The following ZNF821 variants were observed in gnomAD, a reference collection of about 807,000 sequenced individuals.
ZNF821 encodes zinc finger protein 821.
In ZNF821, 16 loss-of-function variants were observed where a neutral mutation model predicts 44.3. That is an observed-to-expected ratio of 0.36 (90% CI 0.24 to 0.55). ZNF821 has a LOEUF of 0.55. Ranked by LOEUF, ZNF821 falls within the 20% of genes least tolerant of loss-of-function variation. The pLI is 0.86. For synonymous variants in ZNF821, 204 were observed against 197.6 expected (o/e 1.03, Z -0.27); for missense variants, 436 against 547.6 (o/e 0.80, Z 2.03).
At chr16:71,863,899 T>C (rs996333338) in intron 6 of ZNF821, among the ~76,000 whole-genome samples, 2 of 152,234 alleles carry the variant, frequency 1.3e-5, no homozygotes, top group Non-Finnish European at 1.5e-5. Context: ...GGTTTCGCCA[T>C]GTTGGCCAGG....
Position 71,859,971 on chromosome 16 carries a change from G to T in ZNF821, c.*47C>A. ...CTGGTCCTCGTGGCTGTGGGTGTGGGTGGGTGGGTAGGTAGGTGGGAAGGA... is the reference window on the plus strand; with the variant it reads ...CTGGTCCTCGTGGCTGTGGGTGTGGTTGGGTGGGTAGGTAGGTGGGAAGGA... On this transcript the variant is annotated 3_prime_UTR_variant, in exon 8 of 8. Transcript: ENST00000425432. The T allele has an allele frequency of 4.0e-6, 6 of 1,501,440 alleles. No homozygotes were observed. Among genetic ancestry groups the T allele is most frequent in the Non-Finnish European group, 4.4e-6 (5 of 1,128,996 alleles). 93.0% of individuals were successfully genotyped at this position (1,501,440 alleles called of 1,614,324 possible). A position where few individuals can be genotyped will look rare whatever the true frequency, so the allele number is the denominator to read the frequency against.
chr16:71,883,706 C>T (rs1199833966), intron 1 of ZNF821: 2 of 152,284 alleles, frequency 1.3e-5, no homozygotes, highest in Non-Finnish European at 2.9e-5. Context: ...CCCGAGAGCG[C>T]CAAGGGGCAG....
At chr16:71,872,990 C>T (rs2035385530) in intron 3 of ZNF821, among the ~76,000 whole-genome samples, 1 of 152,174 alleles carries the variant, frequency 6.6e-6, no homozygotes, top group Non-Finnish European at 1.5e-5. Flanking sequence ...GTGTACAACA[C>T]ACTGTATTTT....
intron 1 of ZNF821, among the ~76,000 whole-genome samples, chr16:71,893,631 T>C (rs1159588769): frequency 6.6e-6 from 1 of 150,786 alleles, no homozygotes; most frequent in African/African-American, 2.4e-5. Flanking sequence ...CGGCTAATTT[T>C]TGTATTTTTA....
chr16:71,880,154 T>TGAAA (rs926487458), intron 2 of ZNF821, 131 bp from the exon 3 acceptor site: 7 of 449,744 alleles, frequency 1.6e-5, no homozygotes, highest in Non-Finnish European at 2.3e-5. Context: ...ATTGAACTAA[T>TGAAA]GAAAGAAAGA....
In ZNF821 at chr16:71,868,045, T is replaced by G. The variant is rs2034746005; in HGVS notation, c.41-8A>C. 4.6e-6 allele frequency: 7 copies of G among 1,533,372 alleles called. No individual in the cohort carries two copies. 95.0% of individuals were successfully genotyped at this position (1,533,372 alleles called of 1,614,324 possible). A position where few individuals can be genotyped will look rare whatever the true frequency, so the allele number is the denominator to read the frequency against. On this transcript the variant is annotated splice_polypyrimidine_tract_variant and splice_region_variant and intron_variant, in intron 3 of 7. Transcript: ENST00000425432. ...CAGCAAATACTTGATCCCCTGGTGG[T>G]CACAAGGAAAAATAGTCAGGCCACC...
chr16:71,894,562 G>T, intron 1 of ZNF821: 1 of 297,624 alleles, frequency 3.4e-6, no homozygotes, highest in Non-Finnish European at 6.3e-6. Context: ...CTTTTTTTCT[G>T]TAGCCTAGGC....
At chr16:71,890,394 T>C (rs1317812701) in intron 1 of ZNF821, among the ~76,000 whole-genome samples, 1 of 151,862 alleles carries the variant, frequency 6.6e-6, no homozygotes, top group African/African-American at 2.4e-5. Context: ...AGCAAACTTT[T>C]TTTTTTTTTT....
At chr16:71,861,651 C>T in intron 7 of ZNF821, 125 bp downstream of exon 7, 1 of 1,132,070 alleles carries the variant, frequency 8.8e-7, no homozygotes, top group Non-Finnish European at 1.3e-6. Context: ...CTTACTTGTA[C>T]TTCCAAGGAG....
At chr16:71,875,854 C>A (rs552652520) in intron 3 of ZNF821, among the ~76,000 whole-genome samples, 1 of 152,336 alleles carries the variant, frequency 6.6e-6, no homozygotes, top group African/African-American at 2.4e-5. Context: ...CCACCTTGGC[C>A]TCCCAAAGTG....
At chr16:71,879,247 T>C (rs1360615574) in intron 3 of ZNF821, among the ~76,000 whole-genome samples, 1 of 152,168 alleles carries the variant, frequency 6.6e-6, no homozygotes, top group Admixed American at 6.6e-5. Flanking sequence ...TAAAGTCTCC[T>C]TGTCCTCTGA....
chr16:71,888,007 C>G (rs963760008), upstream of ZNF821, among the ~76,000 whole-genome samples: 1 of 151,964 alleles, frequency 6.6e-6, no homozygotes, highest in Non-Finnish European at 1.5e-5. Context: ...GGACTACTGG[C>G]ATGCCCTTAC....
chr16:71,859,896 C>T lies in ZNF821; in HGVS notation c.*122G>A. ...CTGCTCAGGTCCACCTGCAATAAAC[C>T]CAGGCCTGCCTCTGGCAGCAAGGAC... is the stretch of plus-strand genomic sequence containing the variant. On this transcript the variant is annotated 3_prime_UTR_variant, in exon 8 of 8. Coordinates refer to ENST00000425432, the MANE Select transcript of ZNF821 (RefSeq NM_001201552.2). The T allele has an allele frequency of 8.4e-7, 1 of 1,185,220 alleles. No homozygotes were observed. Among genetic ancestry groups the T allele is most frequent in the Non-Finnish European group, 1.1e-6 (1 of 869,598 alleles). 73.4% of individuals were successfully genotyped at this position (1,185,220 alleles called of 1,614,324 possible).
chr16:71,868,799 T>G (rs529190535), intron 3 of ZNF821, among the ~76,000 whole-genome samples: 8 of 152,112 alleles, frequency 5.3e-5, no homozygotes, highest in Non-Finnish European at 1.2e-4. Context: ...TGGAGTACAG[T>G]GCTGGCACCC....
At chr16:71,874,462 TTA>T (rs2035584745) in intron 3 of ZNF821, among the ~76,000 whole-genome samples, 1 of 152,180 alleles carries the variant, frequency 6.6e-6, no homozygotes, top group African/African-American at 2.4e-5. Flanking sequence ...TTTTGTGTAT[TTA>T]TTTTTTTGAG....
rs1427776371 is a variant in ZNF821, at chr16:71,864,162, C to G, written c.393G>C (p.Glu131Asp). Residue 131 changes from glutamate to aspartate, a missense_variant, in exon 6 of 8, where the codon GAG becomes GAC. Physicochemically the swap from Glu to Asp is conservative, Grantham distance 45. Coordinates refer to ENST00000425432, the MANE Select transcript of ZNF821 (RefSeq NM_001201552.2). ...CCTGGTACACGTGAGCAATCAACTG[C>G]TCCCGGCTCCCGCAGTCTAGCTGGC... The part of the protein sequence containing the change: ...PLCQLDCGSR[E>D]QLIAHVYQHT... 1.9e-6 allele frequency: 3 copies of G among 1,614,190 alleles called. No homozygotes were observed. The highest frequency in any genetic ancestry group is 2.5e-6 in the Non-Finnish European group (3 of 1,180,030).
At chr16:71,889,034 C>T (rs1222873804), upstream of ZNF821, among the ~76,000 whole-genome samples, 1 of 152,098 alleles carries the variant, frequency 6.6e-6, no homozygotes, top group African/African-American at 2.4e-5. Flanking sequence ...CACTTGAGGC[C>T]AGGAGTTTGA....
intron 2 of ZNF821, 157 bp downstream of exon 2, chr16:71,883,054 A>G (rs979112684): frequency 4.4e-6 from 2 of 453,228 alleles, no homozygotes; most frequent in Admixed American, 2.4e-5. Flanking sequence ...TCTTCAGAGC[A>G]AGGTTAAGAG....
chr16:71,872,641 T>C (rs578044306), intron 3 of ZNF821, among the ~76,000 whole-genome samples: 33 of 152,154 alleles, frequency 2.2e-4, no homozygotes, highest in African/African-American at 7.7e-4. Context: ...AGAGCAGATA[T>C]CCAGTTCAGG....
Sources: gnomAD v4.1 joint callset for allele counts (sites outside exome capture counted in the v4.1 genomes callset) on GRCh38, gnomAD v4.1.1 for gene constraint, MANE v1.5 for transcripts, NCBI Gene and HGNC (gene_info 2026-07-23, HGNC 2026-07-21) for gene names.